Variants in FAT3 observed in about 807,000 individuals in gnomAD.
The protein encoded by FAT3 is protocadherin Fat 3.
Under a neutral mutation model 310.2 loss-of-function variants are expected in FAT3, and 95 were observed. The ratio of observed to expected loss-of-function variants is 0.31; its 90% CI spans 0.26 to 0.36. FAT3 has a LOEUF of 0.36. FAT3 is among the 10% of genes least tolerant of loss of function. The probability of loss-of-function intolerance (pLI) is 1.00; values close to 1 mark genes in which losing one functional copy is unlikely to be tolerated. For missense variants in FAT3, 5,408 were observed against 5,715.6 expected, an observed-to-expected ratio of 0.95 and a Z score of 1.74; for synonymous variants, 2,314 against 2,192.9, an observed-to-expected ratio of 1.06 and a Z score of -1.54.
chr11:92,490,114 A>G (rs554842323), intron 2 of FAT3, among the ~76,000 whole-genome samples: 49 of 152,004 alleles, frequency 3.2e-4, no homozygotes, highest in Non-Finnish European at 6.3e-4. Context: ...TTGAAAATAT[A>G]CTTTTTTAAG....
intron 1 of FAT3, among the ~76,000 whole-genome samples, chr11:92,268,775 G>A (rs1032438398): frequency 2.0e-5 from 3 of 152,138 alleles, no homozygotes; most frequent in Non-Finnish European, 2.9e-5. Flanking sequence ...GAAAACTTCT[G>A]ATTGGCATTT....
At chr11:92,226,020 G>A (rs1863892112) in intron 1 of FAT3, among the ~76,000 whole-genome samples, 1 of 152,208 alleles carries the variant, frequency 6.6e-6, no homozygotes, top group Non-Finnish European at 1.5e-5. Flanking sequence ...GAGAACGCCA[G>A]GGGCACCAGC....
chr11:92,729,129 C>A (rs1184577711), intron 4 of FAT3, among the ~76,000 whole-genome samples: 2 of 152,084 alleles, frequency 1.3e-5, no homozygotes, highest in African/African-American at 4.8e-5. Flanking sequence ...GTGTTTCTTT[C>A]CAGATATAAA....
intron 3 of FAT3, among the ~76,000 whole-genome samples, chr11:92,676,248 G>A (rs182021246): frequency 2.6e-5 from 4 of 152,212 alleles, no homozygotes; most frequent in Admixed American, 6.5e-5. Context: ...GCAGTTATTC[G>A]CATGTGCTTG....
chr11:92,790,128 A>G lies in FAT3; in HGVS notation c.4521A>G (p.Arg1507=), dbSNP rs1239265595. 3 of 1,613,712 alleles carry G rather than the reference A, an allele frequency of 1.9e-6. No homozygotes were observed. Among genetic ancestry groups the G allele is most frequent in the Non-Finnish European group, 2.5e-6 (3 of 1,179,758 alleles). Reference sequence around the variant, plus strand: ...GCAGCATCGACTCCATCAGCATGAGAAAATTCCGGATTGACCCTAGCACTG... The same window carrying G: ...GCAGCATCGACTCCATCAGCATGAGGAAATTCCGGATTGACCCTAGCACTG... ...VHSSIDSISM[R]KFRIDPSTGV... Residue 1507 remains arginine (R), a synonymous_variant, in exon 8 of 28, where the codon AGA becomes AGG. Coordinates refer to ENST00000525166, the MANE Select transcript of FAT3 (RefSeq NM_001367949.2).
chr11:92,677,518 A>G (rs1402852727), intron 3 of FAT3, among the ~76,000 whole-genome samples: 2 of 152,242 alleles, frequency 1.3e-5, no homozygotes, highest in Non-Finnish European at 2.9e-5. Flanking sequence ...CAGCAGGATT[A>G]TCTTTTGTGC....
intron 1 of FAT3, among the ~76,000 whole-genome samples, chr11:92,283,684 A>G (rs1946488276): frequency 1.3e-5 from 2 of 152,162 alleles, no homozygotes; most frequent in South Asian, 4.1e-4. Flanking sequence ...CTGGAATAGC[A>G]TGTCTTCATG....
At chr11:92,229,514 G>GTTTTTTTT (rs1241053262) in intron 1 of FAT3, among the ~76,000 whole-genome samples, 1 of 59,310 alleles carries the variant, frequency 1.7e-5, no homozygotes, top group African/African-American at 6.2e-5. Flanking sequence ...TTTGTTTTTT[G>GTTTTTTTT]TTTTTTTTTA....
chr11:92,874,306 C>G (rs1949471559), intron 22 of FAT3, among the ~76,000 whole-genome samples: 1 of 152,042 alleles, frequency 6.6e-6, no homozygotes, highest in African/African-American at 2.4e-5. Context: ...AGAGTAGAAA[C>G]TTTTTATTCT....
intron 3 of FAT3, among the ~76,000 whole-genome samples, chr11:92,584,071 A>G (rs1938995719): frequency 6.6e-6 from 1 of 152,004 alleles, no homozygotes; most frequent in Admixed American, 6.6e-5. Flanking sequence ...TTCCTTGTCT[A>G]AAAGATTATG....
At chr11:92,256,528 G>T (rs1438822938) in intron 1 of FAT3, among the ~76,000 whole-genome samples, 2 of 151,990 alleles carry the variant, frequency 1.3e-5, no homozygotes, top group African/African-American at 2.4e-5. Context: ...AAAAGAGATA[G>T]GGAATTAGAA....
intron 22 of FAT3, among the ~76,000 whole-genome samples, chr11:92,870,056 A>C (rs969297283): frequency 2.6e-5 from 4 of 152,226 alleles, no homozygotes; most frequent in Non-Finnish European, 5.9e-5. Context: ...CTAAAATTTC[A>C]GGACACATAT....
At chr11:92,303,427 G>T (rs996273743) in intron 1 of FAT3, among the ~76,000 whole-genome samples, 8 of 152,140 alleles carry the variant, frequency 5.3e-5, no homozygotes, top group African/African-American at 1.9e-4. Context: ...TATAATTTTA[G>T]AAGGTTCAGA....
intron 3 of FAT3, among the ~76,000 whole-genome samples, chr11:92,635,321 T>C (rs1941725113): frequency 6.6e-6 from 1 of 152,226 alleles, no homozygotes; most frequent in African/African-American, 2.4e-5. Context: ...GTGTTACTGA[T>C]ATGGAGAAAC....
At chr11:92,674,221 A>T (rs750989296) in intron 3 of FAT3, among the ~76,000 whole-genome samples, 4 of 134,306 alleles carry the variant, frequency 3.0e-5, no homozygotes, top group African/African-American at 5.6e-5. Flanking sequence ...ATAATAATAA[A>T]GAGACACTTG....
intron 2 of FAT3, among the ~76,000 whole-genome samples, chr11:92,361,486 G>C (rs1299670960): frequency 6.6e-6 from 1 of 151,952 alleles, no homozygotes; most frequent in African/African-American, 2.4e-5. Context: ...TTAATGCCCT[G>C]ATAAAACAGG....
intron 2 of FAT3, among the ~76,000 whole-genome samples, chr11:92,506,445 T>A (rs1255020193): frequency 2.0e-5 from 3 of 152,170 alleles, no homozygotes; most frequent in Non-Finnish European, 4.4e-5. Context: ...GAGCCAGCTT[T>A]CCTTTGGATA....
chr11:92,250,577 GAATT>G (rs1433581674), intron 1 of FAT3, among the ~76,000 whole-genome samples: 1 of 152,060 alleles, frequency 6.6e-6, no homozygotes, highest in African/African-American at 2.4e-5. Context: ...ATTCCTTTCT[GAATT>G]AATTTCTGAC....
chr11:92,228,111 T>A (rs1190384369), intron 1 of FAT3, among the ~76,000 whole-genome samples: 1 of 152,124 alleles, frequency 6.6e-6, no homozygotes, highest in East Asian at 1.9e-4. Flanking sequence ...AATGTCTTCA[T>A]ATCATCTGAA....
Sources: allele counts gnomAD v4.1 joint callset (sites outside exome capture counted in the v4.1 genomes callset), GRCh38; gene constraint gnomAD v4.1.1; transcripts MANE v1.5; gene names NCBI Gene and HGNC (gene_info 2026-07-23, HGNC 2026-07-21).